Variants in ZCCHC7 observed in about 807,000 individuals in gnomAD.
ZCCHC7 encodes zinc finger CCHC-type containing 7.
ZCCHC7 carries 35 observed loss-of-function variants against 52.0 expected under a neutral mutation model. The observed-to-expected ratio is 0.67, with a 90% CI of 0.51 to 0.89. The LOEUF is 0.89. Among genes scored for constraint, ZCCHC7 ranks in the 40% least tolerant of loss-of-function variants. The pLI is 0.00. For synonymous variants in ZCCHC7, 217 were observed against 221.5 expected, an observed-to-expected ratio of 0.98 and a Z score of 0.18; for missense variants, 574 against 649.1, an observed-to-expected ratio of 0.88 and a Z score of 1.26.
intron 6 of ZCCHC7, among the ~76,000 whole-genome samples, chr9:37,337,415 C>CCCCCCA (rs1830731314): frequency 9.4e-6 from 1 of 106,704 alleles, no homozygotes; most frequent in African/African-American, 3.7e-5. Flanking sequence ...CCCCCCCCCC[C>CCCCCCA]AAAAAAAATG....
chr9:37,307,751 G>A (rs1277420720), intron 5 of ZCCHC7, among the ~76,000 whole-genome samples: 1 of 152,066 alleles, frequency 6.6e-6, no homozygotes, highest in Non-Finnish European at 1.5e-5. Flanking sequence ...GAGTATGAGT[G>A]TTTGGTATAT....
chr9:37,203,227 T>C (rs1199545462), intron 2 of ZCCHC7, among the ~76,000 whole-genome samples: 1 of 152,174 alleles, frequency 6.6e-6, no homozygotes, highest in Non-Finnish European at 1.5e-5. Flanking sequence ...AATAATTTTC[T>C]CAAAGGCATT....
chr9:37,301,246 CA>C (rs767496982), intron 2 of ZCCHC7, among the ~76,000 whole-genome samples: 9 of 152,150 alleles, frequency 5.9e-5, no homozygotes, highest in Non-Finnish European at 1.3e-4. Context: ...AAGGTTTATT[CA>C]CACTTGAAGG....
At chr9:37,150,231 G>A (rs1820443294) in intron 2 of ZCCHC7, among the ~76,000 whole-genome samples, 1 of 152,132 alleles carries the variant, frequency 6.6e-6, no homozygotes, top group African/African-American at 2.4e-5. Context: ...GTACACCACA[G>A]TATTTTACTT....
chr9:37,212,022 G>A (rs1459189495), intron 2 of ZCCHC7, among the ~76,000 whole-genome samples: 4 of 54,530 alleles, frequency 7.3e-5, no homozygotes, highest in East Asian at 7.9e-4. Context: ...GCGAGACTCC[G>A]TCTCAAAAAA....
intron 8 of ZCCHC7, 107 bp from the exon 9 acceptor site, chr9:37,356,728 A>ATAC: frequency 9.6e-7 from 1 of 1,043,442 alleles, no homozygotes; most frequent in Non-Finnish European, 1.4e-6. Context: ...TACTGTTAAC[A>ATAC]TGTTTAAATA....
chr9:37,264,997 A>G (rs1316971518), intron 2 of ZCCHC7, among the ~76,000 whole-genome samples: 3 of 152,198 alleles, frequency 2.0e-5, no homozygotes, highest in African/African-American at 7.2e-5. Context: ...TGTGTGTGGC[A>G]GTGTAGGGTA....
chr9:37,339,129 T>C (rs1314610013), intron 6 of ZCCHC7, among the ~76,000 whole-genome samples: 1 of 152,194 alleles, frequency 6.6e-6, no homozygotes, highest in African/African-American at 2.4e-5. Context: ...TTAGTAGCAA[T>C]GTCCACTAGA....
At chr9:37,270,437 T>A (rs1392531115) in intron 2 of ZCCHC7, among the ~76,000 whole-genome samples, 3 of 152,104 alleles carry the variant, frequency 2.0e-5, no homozygotes, top group Non-Finnish European at 2.9e-5. Flanking sequence ...ATGCCTGTAA[T>A]CACAGCACTT....
intron 2 of ZCCHC7, among the ~76,000 whole-genome samples, chr9:37,226,550 T>A (rs1004922091): frequency 6.6e-6 from 1 of 152,194 alleles, no homozygotes; most frequent in African/African-American, 2.4e-5. Flanking sequence ...AAGAATCTAG[T>A]AGATTTACAT....
At chr9:37,306,396 A>G (rs566199177) in intron 5 of ZCCHC7, among the ~76,000 whole-genome samples, 1 of 151,636 alleles carries the variant, frequency 6.6e-6, no homozygotes, top group East Asian at 2.0e-4. Flanking sequence ...ATGAAAATAT[A>G]TGCACAATTA....
At chr9:37,129,167 T>C (rs920897775) in intron 2 of ZCCHC7, among the ~76,000 whole-genome samples, 2 of 152,224 alleles carry the variant, frequency 1.3e-5, no homozygotes, top group African/African-American at 4.8e-5. Context: ...CTGTTTGCAC[T>C]AGAGAATCTA....
chr9:37,172,764 G>A (rs1393667390), intron 2 of ZCCHC7, among the ~76,000 whole-genome samples: 4 of 151,924 alleles, frequency 2.6e-5, no homozygotes. Context: ...AGTGAGCAAT[G>A]TGGGCATTGC....
intron 5 of ZCCHC7, among the ~76,000 whole-genome samples, chr9:37,319,955 G>T (rs1353151645): frequency 1.3e-5 from 2 of 152,208 alleles, no homozygotes; most frequent in African/African-American, 4.8e-5. Context: ...TACATGGATT[G>T]ATTCCTGTGC....
intron 8 of ZCCHC7, 99 bp from the exon 9 acceptor site, chr9:37,356,736 A>G: frequency 8.9e-7 from 1 of 1,129,708 alleles, no homozygotes; most frequent in South Asian, 1.8e-5. Context: ...ACATGTTTAA[A>G]TATCTAGCTT....
At chr9:37,307,628 A>G (rs371040846) in intron 5 of ZCCHC7, among the ~76,000 whole-genome samples, 1 of 152,212 alleles carries the variant, frequency 6.6e-6, no homozygotes, top group South Asian at 2.1e-4. Context: ...ATACACCTAT[A>G]GTCTTTTTTC....
chr9:37,121,150 A>T (rs1842299205), intron 1 of ZCCHC7, among the ~76,000 whole-genome samples: 2 of 152,072 alleles, frequency 1.3e-5, no homozygotes, highest in South Asian at 4.1e-4. Context: ...GGCGCCCTTT[A>T]TCCCTCCCAT....
chr9:37,142,930 T>A lies in ZCCHC7; in HGVS notation c.610+15988T>A, dbSNP rs1182716407. 3.3e-5 allele frequency among the ~76,000 whole-genome samples: 5 copies of A among 151,866 alleles called. No homozygotes were observed. The East Asian group carries it at 9.6e-4, about 29-fold the overall frequency. On this transcript the variant is annotated intron_variant, in intron 2 of 8. Transcript: ENST00000336755. ...AATTAATTCTGTTAGCATGTTTTACTAGCAAATGTTCGTGGAAAATGTTAT... is the reference window on the plus strand; with the variant it reads ...AATTAATTCTGTTAGCATGTTTTACAAGCAAATGTTCGTGGAAAATGTTAT...
intron 2 of ZCCHC7, among the ~76,000 whole-genome samples, chr9:37,207,159 A>G (rs998969979): frequency 3.9e-5 from 6 of 152,292 alleles, no homozygotes; most frequent in Middle Eastern, 3.4e-3. Flanking sequence ...GTGTCTTCTT[A>G]TTGTTTAGAG....
Sources: gnomAD v4.1 joint callset for allele counts (sites outside exome capture counted in the v4.1 genomes callset) on GRCh38, gnomAD v4.1.1 for gene constraint, MANE v1.5 for transcripts, NCBI Gene and HGNC (gene_info 2026-07-23, HGNC 2026-07-21) for gene names.